The following ESR2 variants were observed in gnomAD, a reference collection of about 807,000 sequenced individuals.
The protein encoded by ESR2 is estrogen receptor beta.
In ESR2, 36 loss-of-function variants were observed where a neutral mutation model predicts 49.6. That is an observed-to-expected ratio of 0.73 (90% confidence interval 0.56 to 0.96). The LOEUF (loss-of-function observed/expected upper bound fraction) is 0.96. Among genes scored for constraint, ESR2 ranks in the 40% least tolerant of loss-of-function variants. The pLI, the probability that ESR2 is intolerant of heterozygous loss-of-function variation, is 0.00. For synonymous variants in ESR2, 320 were observed against 266.1 expected, an observed-to-expected ratio of 1.20 and a Z score of -1.97; for missense variants, 714 against 693.0, an observed-to-expected ratio of 1.03 and a Z score of -0.34.
chr14:64,247,851 G>A (rs556654381), intron 7 of ESR2, among the ~76,000 whole-genome samples: 1 of 152,274 alleles, frequency 6.6e-6, no homozygotes, highest in East Asian at 1.9e-4. Context: ...AAAAGGAAGA[G>A]GAACTGGATA....
intron 7 of ESR2, among the ~76,000 whole-genome samples, chr14:64,238,694 A>G (rs146276371): frequency 1.1e-3 from 165 of 152,236 alleles, no homozygotes; most frequent in Admixed American, 2.1e-3. Flanking sequence ...TAAAAACATC[A>G]GTTAGGATTC....
intron 1 of ESR2, among the ~76,000 whole-genome samples, chr14:64,302,360 T>A (rs1021950044): frequency 1.1e-4 from 17 of 151,544 alleles, no homozygotes; most frequent in African/African-American, 3.9e-4. Flanking sequence ...CTAATTTTTT[T>A]GTATTTTTAG....
intron 1 of ESR2, among the ~76,000 whole-genome samples, chr14:64,291,866 C>A (rs1162107354): frequency 1.3e-5 from 2 of 151,798 alleles, no homozygotes; most frequent in African/African-American, 4.8e-5. Flanking sequence ...TTTCAGGTAG[C>A]TTTCTTAATC....
chr14:64,273,111 G>A (rs2076482532), intron 3 of ESR2, among the ~76,000 whole-genome samples: 1 of 151,728 alleles, frequency 6.6e-6, no homozygotes, highest in African/African-American at 2.4e-5. Context: ...TGTAGCTACT[G>A]TAAATGAGAT....
At chr14:64,238,600 T>C (rs977908135) in intron 7 of ESR2, among the ~76,000 whole-genome samples, 2 of 152,190 alleles carry the variant, frequency 1.3e-5, no homozygotes, top group East Asian at 1.9e-4. Context: ...CTGGGCAGCA[T>C]GGGGCAAGGG....
chr14:64,266,657 T>G (rs184010955), intron 4 of ESR2, among the ~76,000 whole-genome samples: 109 of 152,378 alleles, frequency 7.2e-4, no homozygotes, highest in African/African-American at 2.5e-3. Context: ...CTGGGCCAAT[T>G]AGACAAAGTC....
At chr14:64,300,045 G>A (rs560808762) in intron 1 of ESR2, among the ~76,000 whole-genome samples, 9 of 152,206 alleles carry the variant, frequency 5.9e-5, no homozygotes, top group African/African-American at 1.7e-4. Flanking sequence ...ATTCTACCAC[G>A]CCACCAGCCA....
chr14:64,233,014 C>T lies in ESR2; in HGVS notation c.*123G>A, dbSNP rs1452761297. The T allele has an allele frequency of 2.1e-6, 3 of 1,462,298 alleles. No homozygotes were observed. Among genetic ancestry groups the T allele is most frequent in the African/African-American group, 2.8e-5 (2 of 70,718 alleles). 90.6% of individuals were successfully genotyped at this position (1,462,298 alleles called of 1,614,324 possible). On this transcript the variant is annotated 3_prime_UTR_variant, in exon 9 of 9. Transcript: ENST00000341099. ...AGGTGGAGGGAAGGATGGTACATGA[C>T]CAAGCCTGCCATCACCAAATGAGGG...
chr14:64,233,257 C>A lies in ESR2; in HGVS notation c.1473G>T (p.Leu491=), dbSNP rs773938169. 9.9e-6 allele frequency: 16 copies of A among 1,614,080 alleles called. No homozygotes were observed. The highest frequency in any genetic ancestry group is 1.4e-5 in the Non-Finnish European group (16 of 1,180,044). The change falls in exon 9 of 9, where the codon CTG becomes CTT. Residue 491 remains leucine (L), a synonymous_variant. Coordinates refer to ENST00000341099, the MANE Select transcript of ESR2 (RefSeq NM_001437.3). ...CKNVVPVYDL[L]LEMLNAHVLR... is the part of the protein sequence containing the mutation. ...GCACGTGGGCATTCAGCATCTCCAGCAGCAGGTCATACACTGGGACCACAT... is the reference window on the plus strand; with the variant it reads ...GCACGTGGGCATTCAGCATCTCCAGAAGCAGGTCATACACTGGGACCACAT...
At chr14:64,260,847 C>A in intron 4 of ESR2, 99 bp from the exon 5 acceptor site, 1 of 1,137,076 alleles carries the variant, frequency 8.8e-7, no homozygotes, top group Non-Finnish European at 1.2e-6. Flanking sequence ...GGGCACGTAC[C>A]AAAGATTACT....
chr14:64,232,409 T>G lies in ESR2; in HGVS notation c.*728A>C, dbSNP rs1193337041. 1 of 152,252 alleles carries G rather than the reference T, an allele frequency of 6.6e-6. No homozygotes were observed. Among genetic ancestry groups the G allele is most frequent in the Admixed American group, 6.5e-5 (1 of 15,274 alleles). 9.4% of individuals were successfully genotyped at this position (152,252 alleles called of 1,614,324 possible). On this transcript the variant is annotated 3_prime_UTR_variant, in exon 9 of 9. Transcript: ENST00000341099. ...AGAGCAGCTCCAGAAGCAGCGAGATTTGTATCTCCCACAGTCCTGCATGAA... is the reference window on the plus strand; with the variant it reads ...AGAGCAGCTCCAGAAGCAGCGAGATGTGTATCTCCCACAGTCCTGCATGAA...
intron 4 of ESR2, among the ~76,000 whole-genome samples, chr14:64,262,827 C>T (rs2076249993): frequency 6.6e-6 from 1 of 152,198 alleles, no homozygotes; most frequent in Admixed American, 6.5e-5. Context: ...AGGAGAATCA[C>T]TTGAACCTGG....
Position 64,229,589 on chromosome 14 carries a change from C to A in ESR2, c.*3548G>T, listed in dbSNP as rs1329565273. Among the ~76,000 whole-genome samples the A allele has an allele frequency of 1.3e-5, 2 of 152,162 alleles. No individual in the cohort carries two copies. The highest frequency in any genetic ancestry group is 4.8e-5 in the African/African-American group (2 of 41,446). ...GTCAGGTTGCACCTGATAGATTCTGCAGTTTTAAAATATTTTTCTTTAAAT... is the reference window on the plus strand; with the variant it reads ...GTCAGGTTGCACCTGATAGATTCTGAAGTTTTAAAATATTTTTCTTTAAAT... On this transcript the variant is annotated 3_prime_UTR_variant, in exon 9 of 9. Coordinates refer to ENST00000341099, the MANE Select transcript of ESR2 (RefSeq NM_001437.3).
At chr14:64,319,472 A>T (rs2077299840) in intron 1 of ESR2, among the ~76,000 whole-genome samples, 1 of 152,230 alleles carries the variant, frequency 6.6e-6, no homozygotes, top group Non-Finnish European at 1.5e-5. Flanking sequence ...GAGACTATTA[A>T]GAAAATAAAA....
At chr14:64,327,674 G>A (rs189492504) in intron 1 of ESR2, among the ~76,000 whole-genome samples, 260 of 150,592 alleles carry the variant, frequency 1.7e-3, no homozygotes, top group African/African-American at 5.9e-3. Flanking sequence ...CAGCCTGGGC[G>A]ACAGAGCAAG....
intron 6 of ESR2, among the ~76,000 whole-genome samples, chr14:64,252,845 T>G (rs567305264): frequency 6.6e-6 from 1 of 152,126 alleles, no homozygotes; most frequent in Admixed American, 6.5e-5. Context: ...CATATCAAAT[T>G]TATTACTTGA....
chr14:64,257,259 T>A lies in ESR2; in HGVS notation c.1058A>T (p.Lys353Met), dbSNP rs752612054. Residue 353 changes from lysine to methionine, a missense_variant, in exon 6 of 9, where the codon AAG becomes ATG. Transcript: ENST00000341099. ...AACAAGATCTGGAGCAAAGATGAGCTTGCCGGGGTGGTCAATTGAGCGCCA... is the reference window on the plus strand; with the variant it reads ...AACAAGATCTGGAGCAAAGATGAGCATGCCGGGGTGGTCAATTGAGCGCCA... ...LMWRSIDHPG[K>M]LIFAPDLVLD... The A allele has an allele frequency of 1.5e-5, 25 of 1,614,196 alleles. No individual in the cohort carries two copies. The highest frequency in any genetic ancestry group is 2.0e-5 in the Non-Finnish European group (24 of 1,180,042).
chr14:64,316,704 T>G (rs958764914), intron 1 of ESR2, among the ~76,000 whole-genome samples: 1 of 151,740 alleles, frequency 6.6e-6, no homozygotes, highest in Non-Finnish European at 1.5e-5. Context: ...AGCTACTTTG[T>G]AGGCTGAGGC....
chr14:64,227,359 A>G, downstream of ESR2: 1 of 688,390 alleles, frequency 1.5e-6, no homozygotes, highest in Middle Eastern at 2.6e-4. Flanking sequence ...CAGTTATCAA[A>G]TTGTTGGATT....
Sources: gnomAD v4.1 joint callset for allele counts (sites outside exome capture counted in the v4.1 genomes callset) on GRCh38, gnomAD v4.1.1 for gene constraint, MANE v1.5 for transcripts, NCBI Gene and HGNC (gene_info 2026-07-23, HGNC 2026-07-21) for gene names.